PREX2: variants seen among roughly 807,000 people sequenced by gnomAD.
PREX2 encodes the protein phosphatidylinositol 3,4,5-trisphosphate-dependent Rac exchanger 2 protein.
Under a neutral mutation model 203.2 loss-of-function variants are expected in PREX2, and 107 were observed. That is an observed-to-expected ratio of 0.53 (90% CI 0.45 to 0.62). PREX2 has a LOEUF of 0.62. Among genes scored for constraint, PREX2 ranks in the 20% least tolerant of loss-of-function variants. The pLI is 0.00. For missense variants in PREX2, 1,777 were observed against 1,955.9 expected (o/e 0.91, Z 1.72); for synonymous variants, 672 against 663.6 (o/e 1.01, Z -0.19).
intron 10 of PREX2, among the ~76,000 whole-genome samples, chr8:68,056,992 AC>A (rs974338745): frequency 2.0e-5 from 3 of 152,194 alleles, no homozygotes; most frequent in Admixed American, 6.5e-5. Flanking sequence ...ATCATAGGCT[AC>A]CTCTGCCTCC....
At chr8:68,114,709 A>T (rs1440042963) in intron 25 of PREX2, among the ~76,000 whole-genome samples, 2 of 152,138 alleles carry the variant, frequency 1.3e-5, no homozygotes, top group Non-Finnish European at 2.9e-5. Flanking sequence ...GGGACATTTC[A>T]TCCTGGCTGG....
chr8:68,008,383 C>T (rs1041031220), intron 1 of PREX2, among the ~76,000 whole-genome samples: 4 of 151,920 alleles, frequency 2.6e-5, no homozygotes, highest in Non-Finnish European at 5.9e-5. Flanking sequence ...AAATTGCAGA[C>T]TAAGGAAGGG....
intron 25 of PREX2, among the ~76,000 whole-genome samples, chr8:68,114,130 G>A (rs1047524925): frequency 4.6e-5 from 7 of 152,220 alleles, no homozygotes; most frequent in African/African-American, 1.7e-4. Context: ...CCAAAGCGCT[G>A]GGATTACAGG....
chr8:68,168,712 C>A (rs1241607343), intron 35 of PREX2, among the ~76,000 whole-genome samples: 1 of 152,190 alleles, frequency 6.6e-6, no homozygotes, highest in Non-Finnish European at 1.5e-5. Context: ...TGCTTTTGGG[C>A]AATCTGCTCT....
intron 1 of PREX2, among the ~76,000 whole-genome samples, chr8:67,998,676 G>C (rs1034870785): frequency 6.6e-6 from 1 of 152,170 alleles, no homozygotes; most frequent in Non-Finnish European, 1.5e-5. Flanking sequence ...GTGACGAGGT[G>C]GGAGGGTTGC....
chr8:68,105,246 G>T (rs767873988), intron 23 of PREX2: 2 of 1,367,776 alleles, frequency 1.5e-6, no homozygotes, highest in Non-Finnish European at 9.8e-7. Flanking sequence ...TGTGACTATG[G>T]AGTTCCTCCT....
chr8:67,965,184 C>T (rs933599908), intron 1 of PREX2, among the ~76,000 whole-genome samples: 2 of 152,162 alleles, frequency 1.3e-5, no homozygotes, highest in African/African-American at 4.8e-5. Context: ...AAAGATTACC[C>T]AGAAGTCAGG....
At chr8:68,062,432 C>T (rs181080073) in intron 11 of PREX2, among the ~76,000 whole-genome samples, 11 of 152,302 alleles carry the variant, frequency 7.2e-5, no homozygotes, top group South Asian at 6.2e-4. Context: ...CTACAACATC[C>T]GATGAGATAA....
chr8:68,185,363 C>T (rs1225115779), intron 35 of PREX2, among the ~76,000 whole-genome samples: 3 of 152,190 alleles, frequency 2.0e-5, no homozygotes, highest in Admixed American at 2.0e-4. Flanking sequence ...TCTTCAGTCA[C>T]ATTGGCTCCA....
chr8:68,116,083 A>G (rs1456647430), intron 26 of PREX2, 151 bp downstream of exon 26: 2 of 651,378 alleles, frequency 3.1e-6, no homozygotes, highest in African/African-American at 3.7e-5. Flanking sequence ...CAGACAAAGC[A>G]TAGTGGGACA....
At chr8:68,180,244 T>C (rs1312058236) in intron 35 of PREX2, among the ~76,000 whole-genome samples, 2 of 152,160 alleles carry the variant, frequency 1.3e-5, no homozygotes. Flanking sequence ...GCCTCTCTAA[T>C]ACATCCTTGT....
intron 35 of PREX2, among the ~76,000 whole-genome samples, chr8:68,161,252 G>A (rs565877476): frequency 1.3e-5 from 2 of 151,860 alleles, no homozygotes; most frequent in Admixed American, 6.6e-5. Context: ...TTGCCACCAC[G>A]CCCGGCTAAT....
chr8:68,053,016 T>A, intron 8 of PREX2, 81 bp from the exon 9 acceptor site: 1 of 1,288,898 alleles, frequency 7.8e-7, no homozygotes, highest in Non-Finnish European at 1.1e-6. Flanking sequence ...TTTTGGAACT[T>A]TTGTGTATTG....
intron 21 of PREX2, chr8:68,095,128 C>T (rs868209741): frequency 1.3e-5 from 2 of 152,202 alleles, no homozygotes; most frequent in Non-Finnish European, 2.9e-5. Context: ...CCTCCAGACA[C>T]GTGGGTGTGT....
rs929434548 is a variant in PREX2, at chr8:68,055,745, A to G, written c.1094-85A>G. 2.2e-5 allele frequency: 29 copies of G among 1,299,324 alleles called. No homozygotes were observed. In the African/African-American group the frequency reaches 3.6e-4, roughly 16 times the overall value. 80.5% of individuals were successfully genotyped at this position (1,299,324 alleles called of 1,614,324 possible). A position where few individuals can be genotyped will look rare whatever the true frequency, so the allele number is the denominator to read the frequency against. ...ACCCCCAGCACATGGTAGACCTGCAACAAATGCTTGCTTAATGAAGCCATA... is the reference window on the plus strand; with the variant it reads ...ACCCCCAGCACATGGTAGACCTGCAGCAAATGCTTGCTTAATGAAGCCATA... On this transcript the variant is annotated intron_variant, in intron 9 of 39. Coordinates refer to ENST00000288368, the MANE Select transcript of PREX2 (RefSeq NM_024870.4).
At chr8:68,185,718 G>T in intron 35 of PREX2, among the ~76,000 whole-genome samples, 1 of 122,568 alleles carries the variant, frequency 8.2e-6, no homozygotes, top group South Asian at 2.3e-4. Context: ...TATCCTATAG[G>T]GACTAAATGA....
chr8:68,185,866 T>C (rs925549170), intron 35 of PREX2, among the ~76,000 whole-genome samples: 4 of 148,726 alleles, frequency 2.7e-5, no homozygotes, highest in Admixed American at 2.0e-4. Flanking sequence ...ACTTTCAAAA[T>C]GTCTTAATAA....
intron 25 of PREX2, among the ~76,000 whole-genome samples, chr8:68,112,694 G>T (rs770801555): frequency 2.0e-5 from 3 of 152,010 alleles, no homozygotes; most frequent in Admixed American, 6.6e-5. Context: ...TGAAACACCG[G>T]GATGCACCCT....
intron 37 of PREX2, among the ~76,000 whole-genome samples, chr8:68,199,154 A>C (rs1337183394): frequency 1.3e-5 from 2 of 152,020 alleles, no homozygotes. Context: ...GTTCACCAGC[A>C]CCCAGTTCCA....
Sources: gnomAD v4.1 joint callset for allele counts (sites outside exome capture counted in the v4.1 genomes callset) on GRCh38, gnomAD v4.1.1 for gene constraint, MANE v1.5 for transcripts, NCBI Gene and HGNC (gene_info 2026-07-23, HGNC 2026-07-21) for gene names.